The following DUSP16 variants were observed in gnomAD, a reference collection of about 807,000 sequenced individuals.
DUSP16 encodes dual specificity protein phosphatase 16.
In DUSP16, 21 loss-of-function variants were observed where a neutral mutation model predicts 58.3. The ratio of observed to expected loss-of-function variants is 0.36; its 90% CI spans 0.26 to 0.52. DUSP16 has a LOEUF of 0.52. Among genes scored for constraint, DUSP16 ranks in the 20% least tolerant of loss-of-function variants. The pLI, the probability that DUSP16 is intolerant of heterozygous loss-of-function variation, is 0.94. For missense variants in DUSP16, 726 were observed against 819.0 expected (o/e 0.89, Z 1.39); for synonymous variants, 320 against 323.8 (o/e 0.99, Z 0.12).
Position 12,477,503 on chromosome 12 carries a change from C to A in DUSP16, c.1328G>T (p.Cys443Phe). The part of the protein sequence containing the change: ...STTLDGTNKL[C>F]QFSPVQELSE... ...TAGTTCCTGAACAGGGGAGAACTGG[C>A]ATAGCTTGTTGGTCCCATCCAGAGT... Residue 443 changes from cysteine to phenylalanine, a missense_variant, in exon 7 of 7, where the codon TGC (cysteine) becomes TTC (phenylalanine). Coordinates refer to ENST00000298573, the MANE Select transcript of DUSP16 (RefSeq NM_030640.3). The surrounding 1 kb of genome is among the most constrained non-coding windows in gnomAD (Gnocchi z 4.1). 1 of 1,597,894 alleles carries A rather than the reference C, an allele frequency of 6.3e-7. No individual in the cohort carries two copies.
At chr12:12,539,223 T>G (rs930230983) in intron 1 of DUSP16, among the ~76,000 whole-genome samples, 1 of 152,208 alleles carries the variant, frequency 6.6e-6, no homozygotes, top group Non-Finnish European at 1.5e-5. Flanking sequence ...TTACGATGTT[T>G]TATATGTTGA....
At chr12:12,487,231 T>G (rs766580380) in intron 4 of DUSP16, 44 bp from the exon 5 acceptor site, 23 of 1,584,878 alleles carry the variant, frequency 1.5e-5, no homozygotes, top group Non-Finnish European at 2.0e-5. Context: ...AATAATATAG[T>G]AAACATGATC....
In DUSP16 at chr12:12,519,841, T is replaced by C. The variant is rs528535256; in HGVS notation, c.367+21A>G. On this transcript the variant is annotated intron_variant, in intron 3 of 6. Transcript: ENST00000298573. ...AGCTCAGCAAGATTCTGAGTCCTTT[T>C]AATTCCATCACGAGCCTTACCTGCA... is the stretch of plus-strand genomic sequence containing the variant. 1.1e-5 allele frequency: 18 copies of C among 1,613,746 alleles called. No individual in the cohort carries two copies. The African/African-American group carries it at 1.9e-4, about 17-fold the overall frequency.
At chr12:12,479,935 CAAT>C (rs890498411) in intron 6 of DUSP16, among the ~76,000 whole-genome samples, 1 of 152,178 alleles carries the variant, frequency 6.6e-6, no homozygotes, top group African/African-American at 2.4e-5. Context: ...TTAGGGAAAG[CAAT>C]AAACTCATGT....
rs1294412716 is a variant in DUSP16 at position 12,474,826 on chromosome 12, T to G, written c.*2007A>C. The stretch of plus-strand genomic sequence containing the variant: ...TCTGGAAGTGGTGAACTGTTACACA[T>G]TTGGTGTGTGTGTACATAACATCAA... On this transcript the variant is annotated 3_prime_UTR_variant, in exon 7 of 7. Transcript: ENST00000298573. The G allele has an allele frequency of 6.6e-6, 1 of 152,340 alleles. No homozygotes were observed. The highest frequency in any genetic ancestry group is 1.9e-4 in the East Asian group (1 of 5,194). The allele number at this position is 152,340 out of a possible 1,614,324, so 9.4% of individuals were successfully genotyped here.
rs749453400 is a variant in DUSP16, at chr12:12,476,792, GAAAA to G, written c.*37_*40del. Reference sequence around the variant, plus strand: ...TTACAGGGAATTTTTTTGTGAACAAGAAAAAAAAATTGTCTATAGAAGTCACAAG... The same window carrying G: ...TTACAGGGAATTTTTTTGTGAACAAGAAAAATTGTCTATAGAAGTCACAAG... On this transcript the variant is annotated 3_prime_UTR_variant, in exon 7 of 7. Coordinates refer to ENST00000298573, the MANE Select transcript of DUSP16 (RefSeq NM_030640.3). The G allele has an allele frequency of 2.7e-6, 4 of 1,499,710 alleles. No individual in the cohort carries two copies. The highest frequency in any genetic ancestry group is 1.3e-5 in the South Asian group (1 of 75,772). 92.9% of individuals were successfully genotyped at this position (1,499,710 alleles called of 1,614,324 possible).
intron 1 of DUSP16, among the ~76,000 whole-genome samples, chr12:12,535,479 G>C (rs1237762804): frequency 6.6e-6 from 1 of 151,668 alleles, no homozygotes; most frequent in African/African-American, 2.4e-5. Flanking sequence ...ACTATACTTG[G>C]CCCTCTATAA....
At chr12:12,556,669 T>C (rs894395284) in intron 1 of DUSP16, among the ~76,000 whole-genome samples, 2 of 152,022 alleles carry the variant, frequency 1.3e-5, no homozygotes, top group African/African-American at 4.8e-5. Flanking sequence ...CCCCAAAACA[T>C]GAAATAGCTC....
intron 3 of DUSP16, among the ~76,000 whole-genome samples, chr12:12,516,206 C>A (rs948308650): frequency 2.0e-5 from 3 of 151,858 alleles, no homozygotes; most frequent in African/African-American, 7.3e-5. Context: ...GTGTTGCAAT[C>A]ACAGCTCACT....
chr12:12,542,734 G>A lies in DUSP16; in HGVS notation c.-366+19383C>T, dbSNP rs932211654. Among the ~76,000 whole-genome samples, 4 of 152,194 alleles carry A rather than the reference G, an allele frequency of 2.6e-5. No homozygotes were observed. In the South Asian group the frequency reaches 8.3e-4, roughly 31 times the overall value. Reference sequence around the variant, plus strand: ...GGCAGGCCAAGGCATGACTCCAGATGTAAAGAAACTAAAGACACAAGTAAA... The same window carrying A: ...GGCAGGCCAAGGCATGACTCCAGATATAAAGAAACTAAAGACACAAGTAAA... On this transcript the variant is annotated intron_variant, in intron 1 of 6. Coordinates refer to ENST00000298573, the MANE Select transcript of DUSP16 (RefSeq NM_030640.3).
chr12:12,548,647 A>T (rs1008233722), intron 1 of DUSP16, among the ~76,000 whole-genome samples: 25 of 129,452 alleles, frequency 1.9e-4, no homozygotes, highest in Non-Finnish European at 3.2e-4. Flanking sequence ...AAAAAAAAAA[A>T]GAAAAAGAAA....
At chr12:12,526,341 G>T (rs1944308221) in intron 1 of DUSP16, among the ~76,000 whole-genome samples, 1 of 151,878 alleles carries the variant, frequency 6.6e-6, no homozygotes, top group Non-Finnish European at 1.5e-5. Context: ...GATTCCATTT[G>T]GTTACTTATG....
chr12:12,552,432 C>A (rs1157257505), intron 1 of DUSP16, among the ~76,000 whole-genome samples: 1 of 151,590 alleles, frequency 6.6e-6, no homozygotes, highest in Non-Finnish European at 1.5e-5. Flanking sequence ...GGCGACAGAG[C>A]GAGACTATCT....
intron 3 of DUSP16, among the ~76,000 whole-genome samples, chr12:12,512,122 A>G (rs1944087609): frequency 6.6e-6 from 1 of 152,222 alleles, no homozygotes; most frequent in African/African-American, 2.4e-5. Context: ...AGATGATCCA[A>G]TTTAGACGAA....
intron 1 of DUSP16, among the ~76,000 whole-genome samples, chr12:12,541,019 G>A (rs1944551228): frequency 7.3e-6 from 1 of 137,626 alleles, no homozygotes; most frequent in South Asian, 2.3e-4. Context: ...GTGCAGTGGT[G>A]CTGATCATGG....
chr12:12,522,645 C>T (rs1367862656), intron 1 of DUSP16, among the ~76,000 whole-genome samples: 1 of 151,904 alleles, frequency 6.6e-6, no homozygotes, highest in Non-Finnish European at 1.5e-5. Context: ...CTCACTGCAA[C>T]CCCTGCCTCT....
intron 5 of DUSP16, among the ~76,000 whole-genome samples, chr12:12,481,902 T>C (rs960697544): frequency 2.6e-5 from 4 of 152,342 alleles, no homozygotes; most frequent in African/African-American, 9.6e-5. Context: ...AGCTCAAAGC[T>C]AAGGTTTCTA....
chr12:12,557,468 A>T (rs949250221), intron 1 of DUSP16, among the ~76,000 whole-genome samples: 1 of 152,118 alleles, frequency 6.6e-6, no homozygotes, highest in Non-Finnish European at 1.5e-5. Context: ...AAAAAAAAAA[A>T]AAAAAATCTA....
rs187382315 is a variant in DUSP16, at chr12:12,520,007, T to G, written c.229-7A>C. 2.3e-4 allele frequency: 365 copies of G among 1,614,060 alleles called. 2 individuals are homozygous for G. The East Asian group carries it at 6.0e-3, about 27-fold the overall frequency. ...GACTGCAATCAATGTCAACCTGAAA[T>G]GCAAACATGAGGCTTGTTAGGAAGA... On this transcript the variant is annotated splice_polypyrimidine_tract_variant and splice_region_variant and intron_variant, in intron 2 of 6. Transcript: ENST00000298573.
Sources: gnomAD v4.1 joint callset for allele counts (sites outside exome capture counted in the v4.1 genomes callset) on GRCh38, gnomAD v4.1.1 for gene constraint, Gnocchi (gnomAD v3.1) non-coding constraint, MANE v1.5 for transcripts, NCBI Gene and HGNC (gene_info 2026-07-23, HGNC 2026-07-21) for gene names.